Variants in RGL1 observed in about 807,000 individuals in gnomAD.
The protein encoded by RGL1 is ral guanine nucleotide dissociation stimulator like 1.
RGL1 carries 24 observed loss-of-function variants against 95.2 expected under a neutral mutation model. That is an observed-to-expected ratio of 0.25 (90% CI 0.18 to 0.35). RGL1 has a LOEUF of 0.35. Among genes scored for constraint, RGL1 ranks in the 10% least tolerant of loss-of-function variants. The pLI is 1.00. For synonymous variants in RGL1, 329 were observed against 344.9 expected, an observed-to-expected ratio of 0.95 and a Z score of 0.51; for missense variants, 715 against 936.3, an observed-to-expected ratio of 0.76 and a Z score of 3.08.
upstream of RGL1, among the ~76,000 whole-genome samples, chr1:183,801,541 T>C (rs1311203666): frequency 1.3e-5 from 2 of 152,232 alleles, no homozygotes; most frequent in Non-Finnish European, 2.9e-5. Context: ...TTGCCTGTGC[T>C]TTTGGTGTGA....
intron 1 of RGL1, among the ~76,000 whole-genome samples, chr1:183,741,406 T>C (rs1657295508): frequency 6.6e-6 from 1 of 152,142 alleles, no homozygotes; most frequent in Non-Finnish European, 1.5e-5. Context: ...GTCAAAGAAG[T>C]AGACCTTGTA....
chr1:183,743,424 A>G lies in RGL1; in HGVS notation c.132+1135A>G, dbSNP rs146028914. ...TAGGGAAAACAGAGAACACTTTGTCAATGGTATTTTGGCTACCAGAAAGAC... is the reference window on the plus strand; with the variant it reads ...TAGGGAAAACAGAGAACACTTTGTCGATGGTATTTTGGCTACCAGAAAGAC... On this transcript the variant is annotated intron_variant, in intron 2 of 18. Transcript: ENST00000304685. Among the ~76,000 whole-genome samples the G allele has an allele frequency of 2.9e-4, 44 of 152,318 alleles. No homozygotes were observed. In the East Asian group the frequency reaches 8.1e-3, roughly 28 times the overall value.
At chr1:183,840,110 C>T (rs1663940769) in intron 2 of RGL1, among the ~76,000 whole-genome samples, 1 of 152,166 alleles carries the variant, frequency 6.6e-6, no homozygotes, top group Non-Finnish European at 1.5e-5. Context: ...TCAGATTCTT[C>T]CTGGCCACTC....
At chr1:183,696,162 T>G (rs752509287) in intron 1 of RGL1, among the ~76,000 whole-genome samples, 1 of 152,178 alleles carries the variant, frequency 6.6e-6, no homozygotes, top group Non-Finnish European at 1.5e-5. Context: ...TTCTCAGTTC[T>G]CACTTCATGG....
chr1:183,802,360 T>A (rs1661037892), upstream of RGL1, among the ~76,000 whole-genome samples: 1 of 152,182 alleles, frequency 6.6e-6, no homozygotes, highest in Non-Finnish European at 1.5e-5. Flanking sequence ...TGTTTTCAAA[T>A]CAAGAAGCAT....
chr1:183,647,619 T>C, intron 1 of RGL1: 1 of 1,506,402 alleles, frequency 6.6e-7, no homozygotes, highest in Non-Finnish European at 8.8e-7. Flanking sequence ...TTTCCAGATT[T>C]TTATTGCCTA....
chr1:183,882,072 G>T (rs1462850098), intron 5 of RGL1, among the ~76,000 whole-genome samples: 4 of 152,270 alleles, frequency 2.6e-5, no homozygotes, highest in African/African-American at 9.6e-5. Flanking sequence ...GATTGCCTCA[G>T]TTCCCATGTG....
intron 1 of RGL1, among the ~76,000 whole-genome samples, chr1:183,682,371 G>C (rs549632969): frequency 5.3e-5 from 8 of 151,116 alleles, no homozygotes; most frequent in Admixed American, 3.3e-4. Flanking sequence ...ACGTTGTCTT[G>C]GTTCTCATTG....
intron 17 of RGL1, among the ~76,000 whole-genome samples, chr1:183,924,475 G>C (rs971978174): frequency 6.6e-6 from 1 of 152,192 alleles, no homozygotes. Context: ...GGCCTGTTGG[G>C]GGGTGGAAGA....
chr1:183,721,642 G>T (rs545242278), intron 1 of RGL1, among the ~76,000 whole-genome samples: 2 of 152,178 alleles, frequency 1.3e-5, no homozygotes, highest in African/African-American at 2.4e-5. Context: ...ATACAAATGC[G>T]CACTCTAATT....
At chr1:183,775,033 T>A (rs1010950953) in intron 2 of RGL1, among the ~76,000 whole-genome samples, 1 of 152,204 alleles carries the variant, frequency 6.6e-6, no homozygotes, top group Admixed American at 6.5e-5. Context: ...TGTTTTCTCA[T>A]ACATTATTAC....
At chr1:183,811,677 T>C (rs1193516819) in intron 2 of RGL1, among the ~76,000 whole-genome samples, 1 of 152,210 alleles carries the variant, frequency 6.6e-6, no homozygotes, top group Non-Finnish European at 1.5e-5. Flanking sequence ...TGGATCCTTT[T>C]GGTGCTAGTG....
intron 14 of RGL1, among the ~76,000 whole-genome samples, chr1:183,909,833 C>G (rs890252576): frequency 6.6e-6 from 1 of 152,148 alleles, no homozygotes; most frequent in African/African-American, 2.4e-5. Context: ...CCTCCTTTTA[C>G]CACTACTTGT....
rs532890880 is a variant in RGL1 at position 183,926,251 on chromosome 1, C to T, written c.2266C>T (p.Arg756Trp). 11 of 1,613,150 alleles carry T rather than the reference C, an allele frequency of 6.8e-6. No homozygotes were observed. Among genetic ancestry groups the T allele is most frequent in the East Asian group, 2.2e-5 (1 of 44,768 alleles). ...CTTGACGTTGCCCAGGACAGCTAAA[C>T]GGGGCTGCTGGAGTAACAGACACAG... ...TSLTLPRTAK[R>W]GCWSNRHSKI... The change falls in exon 18 of 18, where the codon CGG (arginine) becomes TGG (tryptophan). Residue 756 changes from arginine to tryptophan, a missense_variant. Arg to Trp is a moderately radical substitution (Grantham distance 101). This residue lies in a region of RGL1 where 330 missense variants were observed against 429.6 expected (regional missense o/e 0.77). Coordinates refer to ENST00000360851, the MANE Select transcript of RGL1 (RefSeq NM_001297671.3).
At chr1:183,754,553 T>C (rs899762723) in intron 2 of RGL1, 1 of 152,226 alleles carries the variant, frequency 6.6e-6, no homozygotes, top group African/African-American at 2.4e-5. Context: ...CACCATCCTC[T>C]GGGACCTGGG....
Position 183,916,699 on chromosome 1 carries a change from A to G in RGL1, c.2002A>G (p.Met668Val), listed in dbSNP as rs749487732. The stretch of plus-strand genomic sequence containing the variant: ...TAACGGCAACATGTACAAGAGCATC[A>G]TGGTGAGGAGCAAGCCCTGACCCAG... ...DNNGNMYKSIMLTSQDKTPAV... is the reference protein window; with the variant it reads ...DNNGNMYKSIVLTSQDKTPAV... The change falls in exon 16 of 18, where the codon ATG (methionine) becomes GTG (valine). Residue 668 changes from methionine to valine, a missense_variant and splice_region_variant. Physicochemically the swap from Met to Val is conservative, Grantham distance 21. Coordinates refer to ENST00000360851, the MANE Select transcript of RGL1 (RefSeq NM_001297671.3). 4.3e-6 allele frequency: 7 copies of G among 1,611,210 alleles called. No homozygotes were observed. The African/African-American group carries it at 9.4e-5, about 22-fold the overall frequency.
intron 2 of RGL1, among the ~76,000 whole-genome samples, chr1:183,783,871 G>T (rs1323198697): frequency 6.6e-6 from 1 of 152,144 alleles, no homozygotes; most frequent in Non-Finnish European, 1.5e-5. Flanking sequence ...AATAGGAATG[G>T]AATGGGAAAA....
chr1:183,751,686 C>T (rs1310092175), intron 2 of RGL1, among the ~76,000 whole-genome samples: 1 of 152,156 alleles, frequency 6.6e-6, no homozygotes, highest in Non-Finnish European at 1.5e-5. Flanking sequence ...GGTGTAGGCA[C>T]CTAAGGGAAT....
At chr1:183,810,201 G>A (rs1309558431) in intron 2 of RGL1, among the ~76,000 whole-genome samples, 1 of 152,238 alleles carries the variant, frequency 6.6e-6, no homozygotes, top group Non-Finnish European at 1.5e-5. Flanking sequence ...TTTGGTGTCA[G>A]AAGTTCATGC....
Sources: gnomAD v4.1 joint callset for allele counts (sites outside exome capture counted in the v4.1 genomes callset) on GRCh38, gnomAD v4.1.1 for gene constraint, gnomAD v4.1.1 regional missense constraint, MANE v1.5 for transcripts, NCBI Gene and HGNC (gene_info 2026-07-23, HGNC 2026-07-21) for gene names.